The following ZNF496 variants were observed in gnomAD, a reference collection of about 807,000 sequenced individuals.
ZNF496 encodes the protein NSD1 (nuclear receptor binding SET-domain containing 1)-interacting zinc finger protein 1.
In ZNF496, 11 loss-of-function variants were observed where a neutral mutation model predicts 58.9. That is an observed-to-expected ratio of 0.19 (90% CI 0.12 to 0.31). The LOEUF (loss-of-function observed/expected upper bound fraction) is 0.31. Among genes scored for constraint, ZNF496 ranks in the 10% least tolerant of loss-of-function variants. The pLI, the probability that ZNF496 is intolerant of heterozygous loss-of-function variation, is 1.00. For missense variants in ZNF496, 660 were observed against 783.0 expected (o/e 0.84, Z 1.88); for synonymous variants, 338 against 318.2 (o/e 1.06, Z -0.66).
chr1:247,329,117 C>CACAT lies in ZNF496; in HGVS notation c.390+68_390+71dup, dbSNP rs76577417. The CACAT allele has an allele frequency of 3.1e-3, 4,994 of 1,600,384 alleles. 16 individuals carry two copies. Among genetic ancestry groups the CACAT allele is most frequent in the Non-Finnish European group, 3.4e-3 (3,970 of 1,170,450 alleles). ...ATGGAACTCCTCATTCCCCAGCCAG[C>CACAT]ACATGCATGGCCCAGCCAAAGTGTC... On this transcript the variant is annotated intron_variant, in intron 4 of 9. Transcript: ENST00000682384. The surrounding 1 kb of genome is among the most constrained non-coding windows in gnomAD (Gnocchi z 5.5).
At chr1:247,325,204 C>T (rs140906617) in intron 5 of ZNF496, among the ~76,000 whole-genome samples, 4,383 of 152,242 alleles carry the variant, frequency 0.029, 114 homozygotes, top group South Asian at 0.14. Flanking sequence ...GGGCCAGGAG[C>T]CCACACAGAT....
intron 9 of ZNF496, among the ~76,000 whole-genome samples, chr1:247,304,669 T>C (rs977044505): frequency 6.6e-6 from 1 of 152,166 alleles, no homozygotes; most frequent in Non-Finnish European, 1.5e-5. Context: ...ACACCACACC[T>C]AGCCCTGACC....
chr1:247,326,016 GTATA>G (rs750086483), intron 5 of ZNF496, among the ~76,000 whole-genome samples: 1 of 143,580 alleles, frequency 7.0e-6, no homozygotes, highest in African/African-American at 2.6e-5. Context: ...TGAGACATAT[GTATA>G]TATATATATA....
At chr1:247,324,283 A>T (rs749594157) in intron 5 of ZNF496, among the ~76,000 whole-genome samples, 1 of 152,240 alleles carries the variant, frequency 6.6e-6, no homozygotes, top group Non-Finnish European at 1.5e-5. Flanking sequence ...ATAGAAGCAG[A>T]GATCAGAATG....
intron 9 of ZNF496, chr1:247,307,879 AGAC>A (rs1380419607): frequency 3.0e-6 from 3 of 985,218 alleles, no homozygotes. Context: ...ACTTTTACCA[AGAC>A]GACTCAGAGT....
chr1:247,304,490 G>A (rs1181690603), intron 9 of ZNF496, among the ~76,000 whole-genome samples: 1 of 151,734 alleles, frequency 6.6e-6, no homozygotes, highest in Non-Finnish European at 1.5e-5. Context: ...TCCTGCCTCA[G>A]CCTCCTGAGT....
intron 2 of ZNF496, among the ~76,000 whole-genome samples, chr1:247,331,216 G>A (rs1272656915): frequency 6.6e-6 from 1 of 152,266 alleles, no homozygotes; most frequent in Non-Finnish European, 1.5e-5. Flanking sequence ...GAGGCTCGGA[G>A]GAGATGCCTG....
rs372166327 is a variant in ZNF496 at position 247,300,661 on chromosome 1, C to G, written c.1622G>C (p.Arg541Pro). The G allele has an allele frequency of 6.2e-7, 1 of 1,613,988 alleles. No homozygotes were observed. The highest frequency in any genetic ancestry group is 8.5e-7 in the Non-Finnish European group (1 of 1,180,036). ...FQRHDHLARH[R>P]SHFHLKDKAR... ...TTTGTCCTTCAGGTGAAAGTGGCTGCGGTGCCGAGCCAGGTGGTCGTGCCG... is the reference window on the plus strand; with the variant it reads ...TTTGTCCTTCAGGTGAAAGTGGCTGGGGTGCCGAGCCAGGTGGTCGTGCCG... The change falls in exon 10 of 10, where the codon CGC (arginine) becomes CCC (proline). Residue 541 changes from arginine to proline, a missense_variant. Arg to Pro is a moderately radical substitution (Grantham distance 103). Transcript: ENST00000682384. The surrounding 1 kb of genome is among the most constrained non-coding windows in gnomAD (Gnocchi z 5.7).
At chr1:247,310,639 G>A in intron 6 of ZNF496, 183 bp from the exon 7 acceptor site, 1 of 677,000 alleles carries the variant, frequency 1.5e-6, no homozygotes, top group Non-Finnish European at 2.4e-6. Flanking sequence ...CTGGGTGCCT[G>A]GTGAGGGCCC....
At chr1:247,321,234 G>A (rs1479377896) in intron 6 of ZNF496, among the ~76,000 whole-genome samples, 1 of 152,088 alleles carries the variant, frequency 6.6e-6, no homozygotes, top group African/African-American at 2.4e-5. Context: ...GATGAACCTT[G>A]AGGACATTAT....
intron 5 of ZNF496, among the ~76,000 whole-genome samples, chr1:247,323,646 G>A (rs1660028398): frequency 6.6e-6 from 1 of 152,088 alleles, no homozygotes; most frequent in Non-Finnish European, 1.5e-5. Flanking sequence ...GCCGTGTGTG[G>A]TGGTACATGC....
In ZNF496 at chr1:247,329,681, T is replaced by C. The variant is rs1660255224; in HGVS notation, c.-37-66A>G. ...TCCTGTGGTCATTTCTGGGGGACAG[T>C]GACAAGGAAACTGTCAATGCCCTCA... is the stretch of plus-strand genomic sequence containing the variant. On this transcript the variant is annotated intron_variant, in intron 3 of 9. Coordinates refer to ENST00000682384, the MANE Select transcript of ZNF496 (RefSeq NM_032752.3). This position sits in a 1 kb window ranked among gnomAD's most constrained non-coding sequence, Gnocchi z 5.5. The C allele has an allele frequency of 2.1e-6, 3 of 1,440,260 alleles. No homozygotes were observed. The South Asian group carries it at 4.3e-5, about 21-fold the overall frequency. The allele number at this position is 1,440,260 out of a possible 1,614,324, so 89.2% of individuals were successfully genotyped here.
At chr1:247,321,130 C>T (rs116569337) in intron 6 of ZNF496, among the ~76,000 whole-genome samples, 4,755 of 151,542 alleles carry the variant, frequency 0.031, 251 homozygotes, top group African/African-American at 0.11. Flanking sequence ...GAGCCGAGAT[C>T]GAGCCACTAC....
At chr1:247,327,743 C>T (rs1558158826) in intron 5 of ZNF496, among the ~76,000 whole-genome samples, 1 of 138,396 alleles carries the variant, frequency 7.2e-6, no homozygotes, top group Non-Finnish European at 1.6e-5. Context: ...CCCCTGGCCC[C>T]CCAGACACTC....
At chr1:247,302,559 G>T (rs927664910) in intron 9 of ZNF496, among the ~76,000 whole-genome samples, 15 of 152,212 alleles carry the variant, frequency 9.9e-5, no homozygotes, top group Admixed American at 2.0e-4. Flanking sequence ...CTGGGCTCAA[G>T]CGAGCCACCC....
intron 5 of ZNF496, among the ~76,000 whole-genome samples, chr1:247,327,778 CTATGG>C (rs1359284464): frequency 8.9e-5 from 7 of 78,386 alleles, no homozygotes; most frequent in Non-Finnish European, 1.4e-4. Context: ...CTATAGAGCA[CTATGG>C]CAAGTCCACC....
Position 247,300,936 on chromosome 1 carries a change from G to A in ZNF496, c.1347C>T (p.Asp449=). ...CGTGGCTCTCTAGGTGCCCATCCAG[G>A]TCCTCGCTGTCGCTGAACAGCTCCC... The part of the protein sequence containing the change: ...VCGELFSDSE[D]LDGHLESHEA... Residue 449 remains aspartate (D), a synonymous_variant, in exon 10 of 10, where the codon GAC becomes GAT. Transcript: ENST00000682384. This position sits in a 1 kb window ranked among gnomAD's most constrained non-coding sequence, Gnocchi z 5.7. 1 of 1,613,858 alleles carries A rather than the reference G, an allele frequency of 6.2e-7. No individual in the cohort carries two copies. Among genetic ancestry groups the A allele is most frequent in the Non-Finnish European group, 8.5e-7 (1 of 1,179,930 alleles).
In ZNF496 at chr1:247,329,443, G is replaced by A. The variant is rs745941752; in HGVS notation, c.136C>T (p.Arg46Cys). The change falls in exon 4 of 10, where the codon CGC becomes TGC. Residue 46 changes from arginine (R) to cysteine (C), a missense_variant. Transcript: ENST00000682384. This position sits in a 1 kb window ranked among gnomAD's most constrained non-coding sequence, Gnocchi z 5.5. ...GCCGCCTCCTGGTAGCGGAAACGGC[G>A]GAAGAGACGCCGAGAGGACTCGGGG... Reference protein sequence around the residue: ...PSPESSRRLFRRFRYQEAAGP... With the variant: ...PSPESSRRLFCRFRYQEAAGP... The A allele has an allele frequency of 3.1e-6, 5 of 1,612,906 alleles. No homozygotes were observed. Among genetic ancestry groups the A allele is most frequent in the East Asian group, 4.5e-5 (2 of 44,856 alleles).
intron 6 of ZNF496, among the ~76,000 whole-genome samples, chr1:247,320,678 T>C (rs1035891959): frequency 6.6e-6 from 1 of 152,212 alleles, no homozygotes; most frequent in African/African-American, 2.4e-5. Flanking sequence ...GTGTTATTTC[T>C]TACAATGGCA....
Sources: allele counts gnomAD v4.1 joint callset (sites outside exome capture counted in the v4.1 genomes callset), GRCh38; gene constraint gnomAD v4.1.1; non-coding constraint Gnocchi (gnomAD v3.1); transcripts MANE v1.5; gene names NCBI Gene and HGNC (gene_info 2026-07-23, HGNC 2026-07-21).